Variants in MCM10 observed in about 807,000 individuals in gnomAD.
MCM10 encodes protein MCM10 homolog.
A neutral mutation model predicts 109.9 loss-of-function variants in MCM10; 91 were observed. The observed-to-expected ratio is 0.83, with a 90% CI of 0.70 to 0.99. MCM10 has a LOEUF of 0.99. MCM10 is among the 50% of genes least tolerant of loss of function. MCM10 has a pLI of 0.00. For missense variants in MCM10, 1,077 were observed against 1,061.2 expected (o/e 1.01, Z -0.21); for synonymous variants, 380 against 387.2 (o/e 0.98, Z 0.22).
At chr10:13,163,353 T>C (rs1049665825) in intron 1 of MCM10, among the ~76,000 whole-genome samples, 1 of 152,110 alleles carries the variant, frequency 6.6e-6, no homozygotes, top group East Asian at 1.9e-4. Context: ...GAAAAGAAAG[T>C]ACCATAATCA....
At chr10:13,208,981 A>G (rs185817421) in intron 18 of MCM10, 110 bp from the exon 19 acceptor site, 4 of 773,760 alleles carry the variant, frequency 5.2e-6, no homozygotes, top group East Asian at 4.9e-5. Flanking sequence ...CACCTTGAAC[A>G]GCTTCTCCTT....
At chr10:13,168,935 C>T (rs1363151148) in intron 2 of MCM10, among the ~76,000 whole-genome samples, 3 of 152,124 alleles carry the variant, frequency 2.0e-5, no homozygotes, top group Admixed American at 1.3e-4. Flanking sequence ...ACAAGGCCAG[C>T]CAGAAAAATC....
intron 16 of MCM10, among the ~76,000 whole-genome samples, 164 bp downstream of exon 16, chr10:13,198,971 A>G (rs1015675619): frequency 3.3e-5 from 5 of 152,126 alleles, no homozygotes; most frequent in African/African-American, 1.2e-4. Context: ...TCTCGGCTCA[A>G]TGCAAGCTCC....
intron 17 of MCM10, among the ~76,000 whole-genome samples, 194 bp from the exon 18 acceptor site, chr10:13,204,025 G>A (rs1834535072): frequency 6.7e-6 from 1 of 149,934 alleles, no homozygotes; most frequent in Admixed American, 6.6e-5. Flanking sequence ...GAGAAACGGT[G>A]GTATCAGTGT....
chr10:13,182,847 A>C lies in MCM10; in HGVS notation c.931-86A>C. 2.9e-6 allele frequency: 3 copies of C among 1,031,828 alleles called. No homozygotes were observed. Among genetic ancestry groups the C allele is most frequent in the Middle Eastern group, 2.7e-4 (1 of 3,676 alleles). The allele number at this position is 1,031,828 out of a possible 1,614,324, so 63.9% of individuals were successfully genotyped here. On this transcript the variant is annotated intron_variant, in intron 7 of 19. Coordinates refer to ENST00000378714, the MANE Select transcript of MCM10 (RefSeq NM_018518.5). The surrounding 1 kb of genome is among the most constrained non-coding windows in gnomAD (Gnocchi z 4.2). ...TGGATTTTATGGATTATAGGCATATAGTTTTCCATAGTAAAACTCTTGAAT... is the reference window on the plus strand; with the variant it reads ...TGGATTTTATGGATTATAGGCATATCGTTTTCCATAGTAAAACTCTTGAAT...
chr10:13,173,594 A>G (rs1343312541), intron 5 of MCM10, among the ~76,000 whole-genome samples: 2 of 152,228 alleles, frequency 1.3e-5, no homozygotes, highest in Non-Finnish European at 2.9e-5. Flanking sequence ...GTTGGAGGAC[A>G]CAGCATTTTA....
At position 13,209,412 on chromosome 10, in the gene MCM10, CA is replaced by C. The variant is rs1834629134; in HGVS notation, c.*107del. The C allele has an allele frequency of 3.3e-6, 3 of 914,154 alleles. No homozygotes were observed. The highest frequency in any genetic ancestry group is 4.3e-5 in the Admixed American group (2 of 46,636). 56.6% of individuals were successfully genotyped at this position (914,154 alleles called of 1,614,324 possible). On this transcript the variant is annotated 3_prime_UTR_variant, in exon 20 of 20. Coordinates refer to ENST00000378714, the MANE Select transcript of MCM10 (RefSeq NM_018518.5). ...TCCATTGATTCCTGATTGACGCCGT[CA>C]AAAACAAATGCTTGTTAAGCCCATA...
chr10:13,170,139 T>C (rs1304784113), intron 2 of MCM10, among the ~76,000 whole-genome samples: 1 of 152,238 alleles, frequency 6.6e-6, no homozygotes, highest in Non-Finnish European at 1.5e-5. Flanking sequence ...TGACTGCCTA[T>C]ATATTTATGT....
intron 2 of MCM10, among the ~76,000 whole-genome samples, chr10:13,167,308 T>C (rs886167501): frequency 2.0e-5 from 3 of 151,818 alleles, no homozygotes; most frequent in East Asian, 3.9e-4. Context: ...AGGAAACACA[T>C]TGTAGGTAGG....
intron 2 of MCM10, among the ~76,000 whole-genome samples, chr10:13,165,679 A>G (rs898487568): frequency 9.9e-5 from 15 of 152,158 alleles, no homozygotes; most frequent in African/African-American, 3.6e-4. Flanking sequence ...GTTCGAGGCC[A>G]GCCCGGCTAA....
Position 13,210,987 on chromosome 10 carries a change from A to G in MCM10, c.*1677A>G, listed in dbSNP as rs1205788515. On this transcript the variant is annotated 3_prime_UTR_variant, in exon 20 of 20. Transcript: ENST00000378714. ...AACAGAGGGTATCATTGCAGTCAGTATTCACGTGTATATTGTTATATAAGT... is the reference window on the plus strand; with the variant it reads ...AACAGAGGGTATCATTGCAGTCAGTGTTCACGTGTATATTGTTATATAAGT... The G allele has an allele frequency of 2.6e-5, 4 of 152,200 alleles. No homozygotes were observed. Among genetic ancestry groups the G allele is most frequent in the African/African-American group, 9.7e-5 (4 of 41,444 alleles). The allele number at this position is 152,200 out of a possible 1,614,324, so 9.4% of individuals were successfully genotyped here.
chr10:13,201,043 G>GGTGCAGGTGT, intron 16 of MCM10, among the ~76,000 whole-genome samples: 1 of 152,186 alleles, frequency 6.6e-6, no homozygotes, highest in South Asian at 2.1e-4. Context: ...TACTCAGGAG[G>GGTGCAGGTGT]CTGGTGCAGG....
chr10:13,186,645 A>C (rs529856257), intron 9 of MCM10, among the ~76,000 whole-genome samples: 5 of 152,220 alleles, frequency 3.3e-5, no homozygotes, highest in African/African-American at 9.6e-5. Flanking sequence ...TTTTTAAAAA[A>C]TAATAGCTTC....
chr10:13,169,369 T>G (rs781483250), intron 2 of MCM10, among the ~76,000 whole-genome samples: 8 of 152,202 alleles, frequency 5.3e-5, no homozygotes, highest in Non-Finnish European at 1.0e-4. Flanking sequence ...TGTGTCAGCA[T>G]CCTTGATTTC....
At position 13,198,679 on chromosome 10, in the gene MCM10, TGTGC is replaced by T; in HGVS notation, c.2120-9_2120-6del. ...TTGGTCGCTGCTAATGTTTGTTCCT[TGTGC>T]CCTAGCTGAGGATGAATTGGAGCCT... On this transcript the variant is annotated splice_polypyrimidine_tract_variant and splice_region_variant and intron_variant, in intron 15 of 19. Transcript: ENST00000378714. The T allele has an allele frequency of 6.3e-7, 1 of 1,579,766 alleles. No homozygotes were observed. The highest frequency in any genetic ancestry group is 8.7e-7 in the Non-Finnish European group (1 of 1,149,164).
At position 13,169,065 on chromosome 10, in the gene MCM10, A is replaced by G. The variant is rs1250646698; in HGVS notation, c.8-1857A>G. 1.2e-4 allele frequency among the ~76,000 whole-genome samples: 19 copies of G among 152,250 alleles called. 1 individual carries two copies. ...ACATGGCGGCCCTTTTTCTGTGTCA[A>G]CCACGTGTACAGTAAAGAAACAGAC... On this transcript the variant is annotated intron_variant, in intron 2 of 19. Coordinates refer to ENST00000378714, the MANE Select transcript of MCM10 (RefSeq NM_018518.5).
At position 13,171,036 on chromosome 10, in the gene MCM10, C is replaced by A. The variant is rs148825592; in HGVS notation, c.122C>A (p.Ala41Glu). The part of the protein sequence containing the change: ...FLTRENGEPD[A>E]FDELFDADGD... The stretch of plus-strand genomic sequence containing the variant: ...ACGCGGGAAAATGGCGAGCCCGACG[C>A]ATTTGATGAGCTCTTTGATGCCGAC... The change falls in exon 3 of 20, where the codon GCA becomes GAA. Residue 41 changes from alanine to glutamate, a missense_variant. Transcript: ENST00000378714. 5 of 1,614,068 alleles carry A rather than the reference C, an allele frequency of 3.1e-6. No homozygotes were observed. The highest frequency in any genetic ancestry group is 4.2e-6 in the Non-Finnish European group (5 of 1,180,048).
intron 14 of MCM10, among the ~76,000 whole-genome samples, chr10:13,197,045 TC>T (rs35834660): frequency 0.15 from 22,584 of 151,950 alleles, 1,998 homozygotes; most frequent in South Asian, 0.19. Flanking sequence ...CCCATCTCAG[TC>T]CCCTGAGTAG....
At position 13,209,599 on chromosome 10, in the gene MCM10, CAG is replaced by C. The variant is rs1219600989; in HGVS notation, c.*294_*295del. Reference sequence around the variant, plus strand: ...TTTTGCCCAAAAATTGGAAGGTAAACAGAGAGCTATGTTTCTGTATCTTTTGG... The same window carrying C: ...TTTTGCCCAAAAATTGGAAGGTAAACAGAGCTATGTTTCTGTATCTTTTGG... On this transcript the variant is annotated 3_prime_UTR_variant, in exon 20 of 20. Coordinates refer to ENST00000378714, the MANE Select transcript of MCM10 (RefSeq NM_018518.5). 7 of 457,618 alleles carry C rather than the reference CAG, an allele frequency of 1.5e-5. No individual in the cohort carries two copies. The highest frequency in any genetic ancestry group is 2.6e-5 in the South Asian group (1 of 38,114). The allele number at this position is 457,618 out of a possible 1,614,324, so 28.3% of individuals were successfully genotyped here. A position where few individuals can be genotyped will look rare whatever the true frequency, so the allele number is the denominator to read the frequency against.
Sources: allele counts gnomAD v4.1 joint callset (sites outside exome capture counted in the v4.1 genomes callset), GRCh38; gene constraint gnomAD v4.1.1; non-coding constraint Gnocchi (gnomAD v3.1); transcripts MANE v1.5; gene names NCBI Gene and HGNC (gene_info 2026-07-23, HGNC 2026-07-21).